The following FRMD6 variants were observed in gnomAD, a reference collection of about 807,000 sequenced individuals.
The protein encoded by FRMD6 is FERM domain containing 6, also known as FERM domain-containing protein 6.
Under a neutral mutation model 73.2 loss-of-function variants are expected in FRMD6, and 37 were observed. That is an observed-to-expected ratio of 0.51 (90% CI 0.39 to 0.66). The LOEUF (loss-of-function observed/expected upper bound fraction) is 0.66, where lower values mean the gene tolerates loss of function less well. Ranked by LOEUF, FRMD6 falls within the 30% of genes least tolerant of loss-of-function variation. The pLI is 0.00. For missense variants in FRMD6, 714 were observed against 780.5 expected (o/e 0.91, Z 1.02); for synonymous variants, 273 against 282.2 (o/e 0.97, Z 0.33).
the FRMD6 span, among the ~76,000 whole-genome samples, chr14:51,476,600 A>G: frequency 1.6e-4 from 24 of 152,212 alleles, no homozygotes; most frequent in Admixed American, 6.5e-4. Flanking sequence ...GAATAGGTGG[A>G]GAGATGCCCA....
intron 2 of FRMD6, among the ~76,000 whole-genome samples, chr14:51,640,584 C>A (rs1457660072): frequency 6.6e-6 from 1 of 152,180 alleles, no homozygotes; most frequent in Admixed American, 6.5e-5. Flanking sequence ...CCGTTTACAA[C>A]TATTCTTCTT....
the FRMD6 span, among the ~76,000 whole-genome samples, chr14:51,466,261 A>G: frequency 6.6e-6 from 1 of 152,228 alleles, no homozygotes; most frequent in Non-Finnish European, 1.5e-5. Context: ...TTAATTTTGG[A>G]AAAGTTGAGT....
the FRMD6 span, among the ~76,000 whole-genome samples, chr14:51,432,063 G>T: frequency 1.3e-5 from 2 of 152,074 alleles, no homozygotes; most frequent in Non-Finnish European, 2.9e-5. Flanking sequence ...AACACATAAC[G>T]ACAAGCTCTT....
intron 1 of FRMD6, among the ~76,000 whole-genome samples, chr14:51,686,622 GTTCCC>G (rs1388579406): frequency 1.5e-3 from 228 of 150,968 alleles, no homozygotes; most frequent in Admixed American, 3.0e-3. Flanking sequence ...TTTTTTTTTT[GTTCCC>G]TGGAAAATAT....
chr14:51,727,906 C>T lies in FRMD6; in HGVS notation c.1746C>T (p.Leu582=), dbSNP rs766730883. 1 of 1,614,202 alleles carries T rather than the reference C, an allele frequency of 6.2e-7. No homozygotes were observed. The highest frequency in any genetic ancestry group is 8.5e-7 in the Non-Finnish European group (1 of 1,180,036). Residue 582 remains leucine (L), a synonymous_variant, in exon 14 of 14, where the codon CTC becomes CTT. Transcript: ENST00000344768. ...GCCATGAACTGGATGAGGAAGGCCT[C>T]TATTGCAACAGTTGCTTGGCCCAGC... ...GCGHELDEEG[L]YCNSCLAQQC... is the part of the protein sequence containing the mutation.
chr14:51,690,041 T>A, intron 2 of FRMD6, 106 bp downstream of exon 2: 2 of 775,834 alleles, frequency 2.6e-6, no homozygotes, highest in Non-Finnish European at 4.5e-6. Flanking sequence ...ATTAGGGCAG[T>A]AATCATGTGG....
At chr14:51,642,130 G>C (rs1891840240) in intron 2 of FRMD6, among the ~76,000 whole-genome samples, 1 of 152,196 alleles carries the variant, frequency 6.6e-6, no homozygotes, top group South Asian at 2.1e-4. Flanking sequence ...AGTACAACTA[G>C]TCAGTCATTA....
chr14:51,583,888 A>C (rs969569570), intron 2 of FRMD6, among the ~76,000 whole-genome samples: 1 of 152,188 alleles, frequency 6.6e-6, no homozygotes, highest in African/African-American at 2.4e-5. Flanking sequence ...GAATAGCAGA[A>C]AGAGAAGCTG....
At chr14:51,605,462 A>G (rs1167618970) in intron 2 of FRMD6, among the ~76,000 whole-genome samples, 2 of 152,208 alleles carry the variant, frequency 1.3e-5, no homozygotes, top group Non-Finnish European at 2.9e-5. Context: ...GCTACATCAA[A>G]TAAGGGAAAG....
chr14:51,426,959 A>T, the FRMD6 span, among the ~76,000 whole-genome samples: 1 of 152,172 alleles, frequency 6.6e-6, no homozygotes, highest in Non-Finnish European at 1.5e-5. Flanking sequence ...AAGAAAATAG[A>T]TCTGGATTGG....
At chr14:51,555,306 T>A (rs1021923815) in intron 1 of FRMD6, among the ~76,000 whole-genome samples, 1 of 152,320 alleles carries the variant, frequency 6.6e-6, no homozygotes, top group East Asian at 1.9e-4. Context: ...AGCAGTTAGT[T>A]CACATTGTAA....
At chr14:51,538,983 C>G (rs1222685532) in intron 1 of FRMD6, among the ~76,000 whole-genome samples, 1 of 152,016 alleles carries the variant, frequency 6.6e-6, no homozygotes, top group Non-Finnish European at 1.5e-5. Flanking sequence ...TCATTGCTAG[C>G]ATCTAGAAAT....
At chr14:51,564,865 G>A (rs117030886) in intron 1 of FRMD6, among the ~76,000 whole-genome samples, 291 of 152,314 alleles carry the variant, frequency 1.9e-3, no homozygotes, top group Non-Finnish European at 2.6e-3. Context: ...GAAAAGAAAT[G>A]TGTGTGCATT....
At chr14:51,690,246 A>G (rs111526527) in intron 2 of FRMD6, among the ~76,000 whole-genome samples, 5 of 152,226 alleles carry the variant, frequency 3.3e-5, no homozygotes, top group African/African-American at 9.6e-5. Context: ...TATGTCTTAA[A>G]TGCTTAGAGT....
At chr14:51,531,727 C>A (rs1885595440) in intron 1 of FRMD6, among the ~76,000 whole-genome samples, 1 of 152,192 alleles carries the variant, frequency 6.6e-6, no homozygotes, top group Non-Finnish European at 1.5e-5. Flanking sequence ...TATTGTGGAA[C>A]AGGTGAAGTT....
chr14:51,550,157 C>G (rs867399108), intron 1 of FRMD6, among the ~76,000 whole-genome samples: 2 of 152,220 alleles, frequency 1.3e-5, no homozygotes, highest in East Asian at 3.9e-4. Context: ...AAGAAATTCA[C>G]TCCAGGGAGT....
intron 1 of FRMD6, among the ~76,000 whole-genome samples, chr14:51,495,909 G>T (rs1468486600): frequency 6.6e-6 from 1 of 152,142 alleles, no homozygotes; most frequent in African/African-American, 2.4e-5. Context: ...TTTATTTATT[G>T]GTTTAGGTGG....
At chr14:51,500,995 G>T (rs569727872) in intron 1 of FRMD6, among the ~76,000 whole-genome samples, 1 of 152,134 alleles carries the variant, frequency 6.6e-6, no homozygotes. Context: ...AGCTTATCAG[G>T]GTGGATTGGC....
intron 2 of FRMD6, among the ~76,000 whole-genome samples, chr14:51,608,509 G>A (rs1011515589): frequency 6.6e-6 from 1 of 152,096 alleles, no homozygotes; most frequent in Non-Finnish European, 1.5e-5. Context: ...GAAATCCTGA[G>A]TGACCTTCCA....
Sources: gnomAD v4.1 joint callset for allele counts (sites outside exome capture counted in the v4.1 genomes callset) on GRCh38, gnomAD v4.1.1 for gene constraint, MANE v1.5 for transcripts, NCBI Gene and HGNC (gene_info 2026-07-23, HGNC 2026-07-21) for gene names.